CAST: variants seen among roughly 807,000 people sequenced by gnomAD.
CAST encodes the protein MIR583 host.
In CAST, 76 loss-of-function variants were observed where a neutral mutation model predicts 119.6. That is an observed-to-expected ratio of 0.64 (90% CI 0.53 to 0.77). The LOEUF (loss-of-function observed/expected upper bound fraction) is 0.77, where lower values mean the gene tolerates loss of function less well. Ranked by LOEUF, CAST falls within the 30% of genes least tolerant of loss-of-function variation. The pLI, the probability that CAST is intolerant of heterozygous loss-of-function variation, is 0.00. For missense variants in CAST, 953 were observed against 946.5 expected, an observed-to-expected ratio of 1.01 and a Z score of -0.09; for synonymous variants, 319 against 331.6, an observed-to-expected ratio of 0.96 and a Z score of 0.41.
chr5:96,071,622 C>A, the CAST span, among the ~76,000 whole-genome samples: 1 of 152,168 alleles, frequency 6.6e-6, no homozygotes, highest in African/African-American at 2.4e-5. Context: ...CCTAGACCTA[C>A]TTTTCTTTGC....
the CAST span, among the ~76,000 whole-genome samples, chr5:96,333,019 G>C: frequency 6.6e-6 from 1 of 152,048 alleles, no homozygotes; most frequent in African/African-American, 2.4e-5. Context: ...AAGGACCTGG[G>C]GCTTGAGCTG....
intron 3 of CAST, among the ~76,000 whole-genome samples, chr5:96,708,993 A>G (rs192643939): frequency 2.0e-5 from 3 of 152,294 alleles, no homozygotes; most frequent in Admixed American, 6.5e-5. Flanking sequence ...TTTTTCCCCT[A>G]TGTTGTAGAT....
chr5:96,295,161 A>T, the CAST span, among the ~76,000 whole-genome samples: 1 of 152,234 alleles, frequency 6.6e-6, no homozygotes, highest in Admixed American at 6.5e-5. Flanking sequence ...TGTTTTTTTC[A>T]TGAAGAAAAA....
At chr5:96,491,211 C>T in the CAST span, among the ~76,000 whole-genome samples, 40 of 152,010 alleles carry the variant, frequency 2.6e-4, no homozygotes, top group African/African-American at 8.9e-4. Flanking sequence ...CCAGGCCGGG[C>T]ACGGTGGCTC....
chr5:96,303,246 G>C, the CAST span, among the ~76,000 whole-genome samples: 4 of 151,970 alleles, frequency 2.6e-5, no homozygotes, highest in Non-Finnish European at 5.9e-5. Flanking sequence ...GAACAACAAG[G>C]CATAAGTCTG....
the CAST span, among the ~76,000 whole-genome samples, chr5:96,340,666 A>G: frequency 2.6e-5 from 4 of 152,132 alleles, no homozygotes; most frequent in Non-Finnish European, 5.9e-5. Flanking sequence ...GTTGTTGTTT[A>G]CCCCAGTTTA....
chr5:96,361,834 T>TC, the CAST span, among the ~76,000 whole-genome samples: 3 of 150,270 alleles, frequency 2.0e-5, no homozygotes, highest in African/African-American at 7.4e-5. Flanking sequence ...TTGCTTCTTT[T>TC]CTTTTTTTTT....
the CAST span, among the ~76,000 whole-genome samples, chr5:95,972,368 T>A: frequency 6.6e-6 from 1 of 152,184 alleles, no homozygotes. Context: ...AATTCAAGTT[T>A]TTCTGTGTAC....
chr5:96,337,043 A>G, the CAST span, among the ~76,000 whole-genome samples: 1 of 152,234 alleles, frequency 6.6e-6, no homozygotes, highest in Non-Finnish European at 1.5e-5. Flanking sequence ...TAGATGAAAC[A>G]TATTTGAAAA....
the CAST span, among the ~76,000 whole-genome samples, chr5:96,167,976 C>A: frequency 1.3e-5 from 2 of 151,978 alleles, no homozygotes; most frequent in Admixed American, 1.3e-4. Context: ...AGATTTCCAC[C>A]ATGGGAAGGA....
intron 4 of CAST, among the ~76,000 whole-genome samples, chr5:96,723,298 A>G (rs1758644251): frequency 6.6e-6 from 1 of 152,042 alleles, no homozygotes; most frequent in Non-Finnish European, 1.5e-5. Flanking sequence ...CCTAGATTTG[A>G]TTGAGTTTTT....
At chr5:96,708,540 G>T (rs573788921) in intron 3 of CAST, among the ~76,000 whole-genome samples, 17 of 152,082 alleles carry the variant, frequency 1.1e-4, no homozygotes, top group Admixed American at 1.1e-3. Flanking sequence ...ACTCAGGCTG[G>T]AGTGCAGTGG....
At chr5:96,112,600 G>A in the CAST span, among the ~76,000 whole-genome samples, 1 of 152,100 alleles carries the variant, frequency 6.6e-6, no homozygotes, top group Middle Eastern at 3.2e-3. Context: ...AAGCAGAAAC[G>A]AGAGAAAATT....
the CAST span, among the ~76,000 whole-genome samples, chr5:96,236,348 C>A: frequency 6.6e-6 from 1 of 152,144 alleles, no homozygotes; most frequent in African/African-American, 2.4e-5. Flanking sequence ...CTGTTTGTAC[C>A]CTGACCTGGT....
the CAST span, among the ~76,000 whole-genome samples, chr5:96,261,315 C>T: frequency 6.6e-6 from 1 of 152,212 alleles, no homozygotes; most frequent in Admixed American, 6.5e-5. Context: ...AAGAAAGAGG[C>T]TGACAAATCT....
chr5:96,010,512 A>G, the CAST span, among the ~76,000 whole-genome samples: 2 of 152,194 alleles, frequency 1.3e-5, no homozygotes, highest in East Asian at 1.9e-4. Flanking sequence ...GGGTTTCACC[A>G]TGTTGGCCAG....
At chr5:96,416,440 A>G in the CAST span, among the ~76,000 whole-genome samples, 1 of 152,252 alleles carries the variant, frequency 6.6e-6, no homozygotes, top group Non-Finnish European at 1.5e-5. Context: ...GGCAGATAGT[A>G]AGAACACAGT....
the CAST span, among the ~76,000 whole-genome samples, chr5:96,028,328 C>T: frequency 5.9e-5 from 9 of 151,528 alleles, no homozygotes; most frequent in East Asian, 1.9e-4. Context: ...AGGTTTATTT[C>T]GGTATAATTG....
intron 22 of CAST, among the ~76,000 whole-genome samples, chr5:96,756,231 C>T (rs1201332143): frequency 6.6e-6 from 1 of 152,166 alleles, no homozygotes; most frequent in Non-Finnish European, 1.5e-5. Context: ...CGCAGAATGA[C>T]GCAGTGATGG....
Sources: gnomAD v4.1 joint callset for allele counts (sites outside exome capture counted in the v4.1 genomes callset) on GRCh38, gnomAD v4.1.1 for gene constraint, MANE v1.5 for transcripts, NCBI Gene and HGNC (gene_info 2026-07-23, HGNC 2026-07-21) for gene names.